PLCXD3: variants seen among roughly 807,000 people sequenced by gnomAD.
PLCXD3 encodes PI-PLC X domain-containing protein 3.
A neutral mutation model predicts 25.5 loss-of-function variants in PLCXD3; 19 were observed. The ratio of observed to expected loss-of-function variants is 0.75; its 90% CI spans 0.52 to 1.09. The LOEUF is 1.09. Among genes scored for constraint, PLCXD3 ranks in the 50% least tolerant of loss-of-function variants. The pLI is 0.00. For missense variants in PLCXD3, 411 were observed against 388.1 expected (o/e 1.06, Z -0.50); for synonymous variants, 174 against 137.6 (o/e 1.26, Z -1.85).
At chr5:41,450,655 T>C (rs1747607804) in intron 1 of PLCXD3, among the ~76,000 whole-genome samples, 1 of 152,088 alleles carries the variant, frequency 6.6e-6, no homozygotes, top group Non-Finnish European at 1.5e-5. Flanking sequence ...CAAGAACACT[T>C]TACTTGTTAA....
At chr5:41,469,977 A>C (rs2150519639) in intron 1 of PLCXD3, among the ~76,000 whole-genome samples, 1 of 152,308 alleles carries the variant, frequency 6.6e-6, no homozygotes, top group Non-Finnish European at 1.5e-5. Flanking sequence ...GTGGGGTCAA[A>C]AGTGATATTG....
intron 2 of PLCXD3, among the ~76,000 whole-genome samples, chr5:41,359,263 A>G (rs1461413780): frequency 6.6e-6 from 1 of 152,038 alleles, no homozygotes; most frequent in Non-Finnish European, 1.5e-5. Context: ...CTCTTTCTCT[A>G]TCTTTTGGAG....
At chr5:41,343,983 G>T (rs73750133) in intron 2 of PLCXD3, among the ~76,000 whole-genome samples, 3,271 of 151,630 alleles carry the variant, frequency 0.022, 113 homozygotes, top group African/African-American at 0.074. Flanking sequence ...TTTTTCTTAC[G>T]TTCTTGTATT....
chr5:41,316,490 G>A (rs1743295911), intron 2 of PLCXD3, among the ~76,000 whole-genome samples: 1 of 152,176 alleles, frequency 6.6e-6, no homozygotes, highest in African/African-American at 2.4e-5. Flanking sequence ...GAAAAGTAAA[G>A]GGGACTTTGT....
intron 1 of PLCXD3, among the ~76,000 whole-genome samples, chr5:41,500,959 T>A (rs1748938593): frequency 6.6e-6 from 1 of 151,930 alleles, no homozygotes; most frequent in Non-Finnish European, 1.5e-5. Flanking sequence ...GAAAGAGTGC[T>A]CAAAATCACT....
At position 41,478,191 on chromosome 5, in the gene PLCXD3, C is replaced by G. The variant is rs1006668903; in HGVS notation, c.103+32233G>C. ...AAGATGATGGTATCTGTTACCAAAG[C>G]GCTGGGTTGTTAGAGAGTTGATCTT... On this transcript the variant is annotated intron_variant, in intron 1 of 2. Transcript: ENST00000377801. Among the ~76,000 whole-genome samples, 3 of 152,160 alleles carry G rather than the reference C, an allele frequency of 2.0e-5. No homozygotes were observed. In the South Asian group the frequency reaches 6.2e-4, roughly 31 times the overall value.
At chr5:41,405,326 T>C (rs926207055) in intron 1 of PLCXD3, among the ~76,000 whole-genome samples, 3 of 152,156 alleles carry the variant, frequency 2.0e-5, no homozygotes, top group East Asian at 1.9e-4. Context: ...TGAAAGTTTT[T>C]ATCTTAGTCT....
chr5:41,413,761 A>G (rs888009891), intron 1 of PLCXD3, among the ~76,000 whole-genome samples: 1 of 152,164 alleles, frequency 6.6e-6, no homozygotes, highest in African/African-American at 2.4e-5. Flanking sequence ...GTAGGCTTTG[A>G]TTCTCAGTAC....
intron 1 of PLCXD3, among the ~76,000 whole-genome samples, chr5:41,460,894 T>G (rs1580384370): frequency 6.6e-6 from 1 of 152,086 alleles, no homozygotes; most frequent in African/African-American, 2.4e-5. Context: ...CCTAAGTGTT[T>G]CATGTCTCTG....
intron 1 of PLCXD3, among the ~76,000 whole-genome samples, chr5:41,417,124 CA>C (rs1369864058): frequency 6.6e-6 from 1 of 152,128 alleles, no homozygotes; most frequent in African/African-American, 2.4e-5. Context: ...TTACGATAAT[CA>C]AGTGAAACAC....
At chr5:41,499,115 T>A (rs1009445088) in intron 1 of PLCXD3, among the ~76,000 whole-genome samples, 1 of 151,420 alleles carries the variant, frequency 6.6e-6, no homozygotes, top group South Asian at 2.1e-4. Context: ...TTCTTACTGC[T>A]TGTATTTAAC....
intron 1 of PLCXD3, among the ~76,000 whole-genome samples, chr5:41,462,095 G>A (rs1199583145): frequency 6.6e-6 from 1 of 151,942 alleles, no homozygotes; most frequent in Non-Finnish European, 1.5e-5. Flanking sequence ...TCATACCTCT[G>A]TAAGAAACAT....
At chr5:41,390,433 AT>A (rs1437648492) in intron 1 of PLCXD3, among the ~76,000 whole-genome samples, 1 of 152,154 alleles carries the variant, frequency 6.6e-6, no homozygotes, top group Non-Finnish European at 1.5e-5. Flanking sequence ...AAATTGACAA[AT>A]TTCTCAAAAA....
intron 1 of PLCXD3, among the ~76,000 whole-genome samples, chr5:41,400,232 G>C (rs985908691): frequency 6.6e-6 from 1 of 152,146 alleles, no homozygotes; most frequent in African/African-American, 2.4e-5. Context: ...CTTACACACT[G>C]TTGGTGGGAA....
intron 1 of PLCXD3, among the ~76,000 whole-genome samples, chr5:41,498,030 C>G (rs561816472): frequency 6.6e-6 from 1 of 151,408 alleles, no homozygotes; most frequent in African/African-American, 2.4e-5. Flanking sequence ...CATTCCAAAA[C>G]GTATGAAATG....
intron 2 of PLCXD3, among the ~76,000 whole-genome samples, chr5:41,353,352 C>T (rs1315266866): frequency 4.6e-5 from 7 of 151,928 alleles, no homozygotes; most frequent in Admixed American, 4.6e-4. Context: ...CTGCCCGCCT[C>T]GGCCTCCCAA....
At chr5:41,424,125 C>G (rs758917293) in intron 1 of PLCXD3, among the ~76,000 whole-genome samples, 33 of 152,264 alleles carry the variant, frequency 2.2e-4, no homozygotes, top group Non-Finnish European at 3.7e-4. Flanking sequence ...CTTCCCCCAG[C>G]CCCCAGCAAC....
chr5:41,480,552 G>T (rs950356511), intron 1 of PLCXD3, among the ~76,000 whole-genome samples: 3 of 151,862 alleles, frequency 2.0e-5, no homozygotes, highest in African/African-American at 7.3e-5. Flanking sequence ...CACTCTTGTG[G>T]AAATTCAGTA....
intron 2 of PLCXD3, among the ~76,000 whole-genome samples, chr5:41,348,243 C>T (rs1441031142): frequency 1.3e-5 from 2 of 152,066 alleles, no homozygotes; most frequent in Non-Finnish European, 2.9e-5. Context: ...ATCTAATAGA[C>T]GTTCTAAATG....
Sources: allele counts gnomAD v4.1 joint callset (sites outside exome capture counted in the v4.1 genomes callset), GRCh38; gene constraint gnomAD v4.1.1; transcripts MANE v1.5; gene names NCBI Gene and HGNC (gene_info 2026-07-23, HGNC 2026-07-21).